The following GABRE variants were observed in gnomAD, a reference collection of about 807,000 sequenced individuals.
GABRE encodes gamma-aminobutyric acid type A receptor subunit epsilon, also known as gamma-aminobutyric acid receptor subunit epsilon.
GABRE carries 20 observed loss-of-function variants against 31.0 expected under a neutral mutation model. That is an observed-to-expected ratio of 0.64 (90% CI 0.45 to 0.94). GABRE has a LOEUF of 0.94. Among genes scored for constraint, GABRE ranks in the 40% least tolerant of loss-of-function variants. The pLI, the probability that GABRE is intolerant of heterozygous loss-of-function variation, is 0.00. For synonymous variants in GABRE, 155 were observed against 150.6 expected (o/e 1.03, Z -0.21); for missense variants, 420 against 410.7 (o/e 1.02, Z -0.20).
intron 1 of GABRE, among the ~76,000 whole-genome samples, chrX:151,973,895 T>C (rs1934802223): frequency 9.0e-6 from 1 of 110,658 alleles, no homozygotes; most frequent in Non-Finnish European, 1.9e-5. Flanking sequence ...GCAGGGTGTC[T>C]AGGGATGAGT....
Position 151,971,711 on chromosome X carries a change from A to C in GABRE, c.57-1309T>G, listed in dbSNP as rs1169489008. 5.3e-5 allele frequency: 6 copies of C among 112,744 alleles called. No homozygotes were observed. The Admixed American group carries it at 5.7e-4, about 11-fold the overall frequency. 9.3% of individuals were successfully genotyped at this position (112,744 alleles called of 1,213,427 possible). A position where few individuals can be genotyped will look rare whatever the true frequency, so the allele number is the denominator to read the frequency against. ...CCCTACCTTTATATGTCTTTAAAAA[A>C]TTATAATTAAAAGTCTTTTTAAAAG... On this transcript the variant is annotated intron_variant, in intron 1 of 8. Coordinates refer to ENST00000370328, the MANE Select transcript of GABRE (RefSeq NM_004961.4).
At chrX:151,964,947 T>G (rs1344059949) in intron 3 of GABRE, among the ~76,000 whole-genome samples, 1 of 111,401 alleles carries the variant, frequency 9.0e-6, no homozygotes, top group Non-Finnish European at 1.9e-5. Flanking sequence ...AGTCAGGAGT[T>G]GAAGACCAGC....
At chrX:151,970,023 A>G in intron 2 of GABRE, 162 bp downstream of exon 2, 6 of 1,097,871 alleles carry the variant, frequency 5.5e-6, no homozygotes, top group Non-Finnish European at 7.1e-6. Context: ...GGTCAATGAC[A>G]CTGCTGAGAA....
At chrX:151,961,800 CAA>C (rs1285651631) in intron 4 of GABRE, among the ~76,000 whole-genome samples, 1 of 104,139 alleles carries the variant, frequency 9.6e-6, no homozygotes, top group African/African-American at 3.7e-5. Context: ...GGAGAGATAA[CAA>C]GAGAGAAAAC....
intron 5 of GABRE, 71 bp from the exon 6 acceptor site, chrX:151,960,047 G>A: frequency 2.0e-6 from 2 of 1,011,592 alleles, no homozygotes; most frequent in Non-Finnish European, 1.4e-6. Context: ...ATAGCATGAA[G>A]TCAGCCTGCA....
At chrX:151,972,733 AC>A in intron 1 of GABRE, 1 of 659,516 alleles carries the variant, frequency 1.5e-6, no homozygotes, top group South Asian at 7.9e-5. Context: ...AAAAAACACA[AC>A]AATAAACAAA....
In GABRE at chrX:151,970,218, T is replaced by C. The variant is rs765610935; in HGVS notation, c.241A>G (p.Asn81Asp). Residue 81 changes from asparagine to aspartate, a missense_variant, in exon 2 of 9, where the codon AAT (asparagine) becomes GAT (aspartate). Physicochemically the swap from Asn to Asp is conservative, Grantham distance 23 (BLOSUM62 1). Transcript: ENST00000370328. The stretch of plus-strand genomic sequence containing the variant: ...CCAGGGCGCAGTTTGTGGTCATAAT[T>C]ACTCAGGATAGTGTTCAGGATGCGA... ...ASRILNTILS[N>D]YDHKLRPGIG... The C allele has an allele frequency of 1.7e-6, 2 of 1,210,471 alleles. No individual in the cohort carries two copies. Among genetic ancestry groups the C allele is most frequent in the African/African-American group, 3.5e-5 (2 of 57,311 alleles).
intron 1 of GABRE, 58 bp downstream of exon 1, chrX:151,974,493 GTCCCGGGAGCCGTCCCGGC>G (rs1371650121): frequency 1.4e-6 from 1 of 697,047 alleles, no homozygotes; most frequent in Non-Finnish European, 2.1e-6. Flanking sequence ...GGCCGCTGGG[GTCCCGGGAGCCGTCCCGGC>G]TCCCGGGGAG....
chrX:151,973,535 C>A (rs1038133534), intron 1 of GABRE, among the ~76,000 whole-genome samples: 1 of 111,259 alleles, frequency 9.0e-6, no homozygotes, highest in Non-Finnish European at 1.9e-5. Context: ...GGGAGAGAAG[C>A]CACCCTCCCT....
intron 6 of GABRE, chrX:151,957,197 G>A: frequency 9.3e-6 from 2 of 214,147 alleles, no homozygotes; most frequent in South Asian, 1.2e-4. Context: ...CTGTCCGTGT[G>A]TCCTCCTATT....
Position 151,959,881 on chromosome X carries a change from T to C in GABRE, c.742A>G (p.Thr248Ala). 8.3e-7 allele frequency: 1 copy of C among 1,211,191 alleles called. No individual in the cohort carries two copies. The highest frequency in any genetic ancestry group is 1.1e-6 in the Non-Finnish European group (1 of 894,872). The change falls in exon 6 of 9, where the codon ACA becomes GCA. Residue 248 changes from threonine (T) to alanine (A), a missense_variant. Thr to Ala is a moderately conservative substitution (Grantham distance 58). Coordinates refer to ENST00000370328, the MANE Select transcript of GABRE (RefSeq NM_004961.4). ...NSWKLFQFDF[T>A]GVSNKTEIIT... ...ATTTCAGTTTTGTTGCTCACTCCTG[T>C]AAAATCAAACTGGAAGAGCTTCCAG...
chrX:151,972,392 A>G (rs1934736264), intron 1 of GABRE: 1 of 754,012 alleles, frequency 1.3e-6, no homozygotes. Context: ...GACTATGGGA[A>G]GAGAGGAGGA....
intron 5 of GABRE, among the ~76,000 whole-genome samples, chrX:151,960,535 G>A (rs1934332561): frequency 9.0e-6 from 1 of 111,499 alleles, no homozygotes; most frequent in South Asian, 3.8e-4. Context: ...TGGGTGGCAG[G>A]GTCCAGTTCA....
At chrX:151,968,923 G>A (rs892670837) in intron 3 of GABRE, among the ~76,000 whole-genome samples, 5 of 112,286 alleles carry the variant, frequency 4.5e-5, no homozygotes, top group Admixed American at 9.4e-5. Context: ...CAATTAACAG[G>A]TGTGGAGGTC....
intron 3 of GABRE, among the ~76,000 whole-genome samples, chrX:151,963,219 C>A (rs1934435069): frequency 8.9e-6 from 1 of 112,177 alleles, no homozygotes; most frequent in South Asian, 3.7e-4. Flanking sequence ...TGGTTACGAT[C>A]TTAAATCAGA....
intron 3 of GABRE, among the ~76,000 whole-genome samples, chrX:151,964,104 T>A (rs1292854261): frequency 8.9e-6 from 1 of 112,601 alleles, no homozygotes; most frequent in Non-Finnish European, 1.9e-5. Context: ...TAGACTCTAG[T>A]GACAATTAGT....
chrX:151,970,700 G>A (rs752328476), intron 1 of GABRE: 18 of 292,386 alleles, frequency 6.2e-5, no homozygotes, highest in African/African-American at 3.8e-4. Flanking sequence ...GAAATGAAGA[G>A]GGCATTTATG....
At chrX:151,972,196 G>A in intron 1 of GABRE, 12 of 753,831 alleles carry the variant, frequency 1.6e-5, no homozygotes, top group Non-Finnish European at 1.9e-5. Context: ...TGTTAGAATT[G>A]CTTAAGTGGC....
At chrX:151,955,251 C>T (rs778773751) in intron 8 of GABRE, 117 bp downstream of exon 8, 1 of 1,190,485 alleles carries the variant, frequency 8.4e-7, no homozygotes, top group Non-Finnish European at 1.1e-6. Context: ...CGCCACCACC[C>T]TGGGTAACAT....
Sources: gnomAD v4.1 joint callset for allele counts (sites outside exome capture counted in the v4.1 genomes callset) on GRCh38, gnomAD v4.1.1 for gene constraint, MANE v1.5 for transcripts, NCBI Gene and HGNC (gene_info 2026-07-23, HGNC 2026-07-21) for gene names.